FMN1: variants seen among roughly 807,000 people sequenced by gnomAD.
FMN1 encodes the protein formin-1.
Under a neutral mutation model 132.4 loss-of-function variants are expected in FMN1, and 110 were observed. The ratio of observed to expected loss-of-function variants is 0.83; its 90% confidence interval spans 0.71 to 0.97. The LOEUF (loss-of-function observed/expected upper bound fraction) is 0.97, where lower values mean the gene tolerates loss of function less well. FMN1 is among the 50% of genes least tolerant of loss of function. The pLI is 0.00. For synonymous variants in FMN1, 722 were observed against 651.7 expected (o/e 1.11, Z -1.64); for missense variants, 1,792 against 1,705.3 (o/e 1.05, Z -0.90).
chr15:32,848,306 G>A (rs548405272), intron 17 of FMN1, among the ~76,000 whole-genome samples: 2 of 152,284 alleles, frequency 1.3e-5, no homozygotes, highest in African/African-American at 4.8e-5. Flanking sequence ...GAGAAAGAAC[G>A]GAGGGGTTCC....
At chr15:33,159,339 A>G (rs1487110092) in intron 3 of FMN1, among the ~76,000 whole-genome samples, 1 of 152,226 alleles carries the variant, frequency 6.6e-6, no homozygotes, top group Non-Finnish European at 1.5e-5. Context: ...ACGAAGAGGA[A>G]TAGGCTTCAG....
chr15:32,809,739 G>A (rs773246327), intron 17 of FMN1, among the ~76,000 whole-genome samples: 3 of 151,994 alleles, frequency 2.0e-5, no homozygotes, highest in Non-Finnish European at 2.9e-5. Flanking sequence ...CGTTCTTTCT[G>A]TGGAGATCCA....
intron 6 of FMN1, chr15:33,012,574 G>A (rs1488339018): frequency 1.7e-5 from 24 of 1,387,274 alleles, no homozygotes; most frequent in Non-Finnish European, 2.1e-5. Context: ...TGTAACCTTT[G>A]ACAACCATGA....
chr15:32,840,526 T>C (rs973964705), intron 17 of FMN1, among the ~76,000 whole-genome samples: 2 of 152,222 alleles, frequency 1.3e-5, no homozygotes, highest in African/African-American at 4.8e-5. Context: ...AAAATCACTT[T>C]GCTTCAAAAA....
chr15:33,131,573 G>A (rs8023846), intron 4 of FMN1, among the ~76,000 whole-genome samples: 33,988 of 152,012 alleles, frequency 0.22, 5,668 homozygotes, highest in African/African-American at 0.47. Flanking sequence ...GTAATAATAT[G>A]CAACACCAAG....
chr15:32,960,535 T>C (rs2030392622), intron 9 of FMN1, among the ~76,000 whole-genome samples: 1 of 152,214 alleles, frequency 6.6e-6, no homozygotes, highest in Non-Finnish European at 1.5e-5. Context: ...GAGAAACATT[T>C]TGATCATGAT....
At chr15:32,963,775 A>C (rs761655501) in intron 9 of FMN1, among the ~76,000 whole-genome samples, 2 of 152,168 alleles carry the variant, frequency 1.3e-5, no homozygotes, top group Non-Finnish European at 2.9e-5. Flanking sequence ...GTCCAGATTA[A>C]ATTTTGAAAA....
At chr15:32,811,696 G>T (rs974966587) in intron 17 of FMN1, among the ~76,000 whole-genome samples, 1 of 148,560 alleles carries the variant, frequency 6.7e-6, no homozygotes, top group Non-Finnish European at 1.5e-5. Flanking sequence ...ACGGAGTCTC[G>T]CTCTGTCACT....
intron 19 of FMN1, among the ~76,000 whole-genome samples, chr15:32,785,640 T>C (rs545620479): frequency 2.0e-5 from 3 of 152,282 alleles, no homozygotes; most frequent in South Asian, 2.1e-4. Flanking sequence ...TGTTAATACA[T>C]TACTTGCTTT....
intron 5 of FMN1, chr15:33,066,489 T>C (rs1175926418): frequency 5.4e-6 from 8 of 1,475,336 alleles, no homozygotes; most frequent in Non-Finnish European, 7.2e-6. Flanking sequence ...TATGTTAAAA[T>C]GCAAAACCCA....
rs183010208 is a variant in FMN1, at chr15:32,768,862, A to G, written c.*5448T>C. 2 of 152,354 alleles carry G rather than the reference A, an allele frequency of 1.3e-5. No homozygotes were observed. Among genetic ancestry groups the G allele is most frequent in the East Asian group, 3.9e-4 (2 of 5,194 alleles). The allele number at this position is 152,354 out of a possible 1,614,324, so 9.4% of individuals were successfully genotyped here. ...TGGCTATATCTAACACCTTCATATA[A>G]AAATGGAATAAAAGTCAATCTTCCC... On this transcript the variant is annotated 3_prime_UTR_variant, in exon 21 of 21. Coordinates refer to ENST00000616417, the MANE Select transcript of FMN1 (RefSeq NM_001277313.2).
intron 6 of FMN1, among the ~76,000 whole-genome samples, chr15:33,042,811 C>A (rs931585407): frequency 6.6e-6 from 1 of 151,202 alleles, no homozygotes; most frequent in Non-Finnish European, 1.5e-5. Context: ...ATCCCTGAGG[C>A]ACAAAAGGGA....
At chr15:33,095,577 T>A (rs1377658291) in intron 4 of FMN1, among the ~76,000 whole-genome samples, 2 of 152,052 alleles carry the variant, frequency 1.3e-5, no homozygotes, top group African/African-American at 4.8e-5. Flanking sequence ...AATTTTTTTT[T>A]GTAGAGATAG....
chr15:33,124,235 G>A (rs1396556777), intron 4 of FMN1, among the ~76,000 whole-genome samples: 1 of 151,136 alleles, frequency 6.6e-6, no homozygotes, highest in Non-Finnish European at 1.5e-5. Context: ...AGACAAAAAG[G>A]AAACAGATGT....
rs555434779 is a variant in FMN1 at position 32,790,147 on chromosome 15, A to C, written c.4130+8657T>G. ...CAAGCACTCAAAGGAGGAAGCACAG[A>C]AAAGAAGGCAGTTAGGCTGATCCCA... is the stretch of plus-strand genomic sequence containing the variant. On this transcript the variant is annotated intron_variant, in intron 19 of 20. Coordinates refer to ENST00000616417, the MANE Select transcript of FMN1 (RefSeq NM_001277313.2). Among the ~76,000 whole-genome samples, 151 of 152,372 alleles carry C rather than the reference A, an allele frequency of 9.9e-4. 3 individuals are homozygous for C. The South Asian group carries it at 0.029, about 30-fold the overall frequency.
rs1276449341 is a variant in FMN1 at position 32,901,912 on chromosome 15, T to C, written c.3506A>G (p.Lys1169Arg). Reference protein sequence around the residue: ...RKVEIITRASKDLLHVKSVKD... With the variant: ...RKVEIITRASRDLLHVKSVKD... Reference sequence around the variant, plus strand: ...TTTTAAATTAGACAGTAAACATACCTTAGAAGCTCGCGTGATGATCTCTAC... The same window carrying C: ...TTTTAAATTAGACAGTAAACATACCCTAGAAGCTCGCGTGATGATCTCTAC... The change falls in exon 13 of 21, where the codon AAG (lysine) becomes AGG (arginine). Residue 1169 changes from lysine (K) to arginine (R), a missense_variant and splice_region_variant. By Grantham distance (26) the Lys-to-Arg change is conservative (BLOSUM62 2). Transcript: ENST00000616417. 7 of 1,605,286 alleles carry C rather than the reference T, an allele frequency of 4.4e-6. No individual in the cohort carries two copies. Among genetic ancestry groups the C allele is most frequent in the Non-Finnish European group, 5.9e-6 (7 of 1,177,166 alleles).
At chr15:32,977,760 G>A (rs915533143) in intron 7 of FMN1, among the ~76,000 whole-genome samples, 1 of 152,040 alleles carries the variant, frequency 6.6e-6, no homozygotes, top group African/African-American at 2.4e-5. Flanking sequence ...AATATAAACA[G>A]ATAGTCCCAA....
intron 9 of FMN1, among the ~76,000 whole-genome samples, chr15:32,941,967 TGGA>T (rs2061409412): frequency 6.6e-6 from 1 of 152,350 alleles, no homozygotes. Context: ...AATTACAGTC[TGGA>T]GGAGAATGCA....
intron 7 of FMN1, among the ~76,000 whole-genome samples, chr15:32,973,400 G>C (rs528283205): frequency 6.6e-6 from 1 of 152,268 alleles, no homozygotes; most frequent in South Asian, 2.1e-4. Flanking sequence ...GTAGGGGGCA[G>C]ATTACCAGGC....
Sources: gnomAD v4.1 joint callset for allele counts (sites outside exome capture counted in the v4.1 genomes callset) on GRCh38, gnomAD v4.1.1 for gene constraint, MANE v1.5 for transcripts, NCBI Gene and HGNC (gene_info 2026-07-23, HGNC 2026-07-21) for gene names.